The following LPCAT1 variants were observed in gnomAD, a reference collection of about 807,000 sequenced individuals.
The protein encoded by LPCAT1 is 1-acylglycerol-3-phosphate O-acyltransferase.
LPCAT1 carries 23 observed loss-of-function variants against 60.9 expected under a neutral mutation model. That is an observed-to-expected ratio of 0.38 (90% confidence interval 0.27 to 0.53). LPCAT1 has a LOEUF of 0.53. Ranked by LOEUF, LPCAT1 falls within the 20% of genes least tolerant of loss-of-function variation. LPCAT1 has a pLI of 0.82. For missense variants in LPCAT1, 622 were observed against 723.6 expected, an observed-to-expected ratio of 0.86 and a Z score of 1.61; for synonymous variants, 340 against 301.1, an observed-to-expected ratio of 1.13 and a Z score of -1.34.
In LPCAT1 at chr5:1,521,865, C is replaced by A. The variant is rs188032289; in HGVS notation, c.135+1845G>T. On this transcript the variant is annotated intron_variant, in intron 1 of 13. Coordinates refer to ENST00000283415, the MANE Select transcript of LPCAT1 (RefSeq NM_024830.5). The surrounding 1 kb of genome is among the most constrained non-coding windows in gnomAD (Gnocchi z 4.3). Reference sequence around the variant, plus strand: ...GGGGAGGAAAGCAGGCCCCTCTGGGCACTCTGGCAGTGCCCTGACATCTGT... The same window carrying A: ...GGGGAGGAAAGCAGGCCCCTCTGGGAACTCTGGCAGTGCCCTGACATCTGT... Among the ~76,000 whole-genome samples, 16 of 152,342 alleles carry A rather than the reference C, an allele frequency of 1.1e-4. No individual in the cohort carries two copies. Among genetic ancestry groups the A allele is most frequent in the African/African-American group, 3.6e-4 (15 of 41,580 alleles).
chr5:1,475,806 G>T (rs1278429668), intron 9 of LPCAT1, among the ~76,000 whole-genome samples: 1 of 102,706 alleles, frequency 9.7e-6, no homozygotes, highest in East Asian at 2.0e-4. Context: ...TCCACTCCGA[G>T]TGGGGCTGCA....
At chr5:1,465,510 T>C (rs575343217) in intron 13 of LPCAT1, among the ~76,000 whole-genome samples, 24 of 134,230 alleles carry the variant, frequency 1.8e-4, no homozygotes, top group South Asian at 9.4e-4. Flanking sequence ...AGTAAACACG[T>C]GTGCACACAC....
Position 1,502,815 on chromosome 5 carries a change from T to A in LPCAT1, c.136-1212A>T, listed in dbSNP as rs994155043. On this transcript the variant is annotated intron_variant, in intron 1 of 13. Coordinates refer to ENST00000283415, the MANE Select transcript of LPCAT1 (RefSeq NM_024830.5). This position sits in a 1 kb window ranked among gnomAD's most constrained non-coding sequence, Gnocchi z 5.5. The stretch of plus-strand genomic sequence containing the variant: ...CCACTCTGTTTCCTTGGTTTGTCCC[T>A]AGATTCTTTTGAGTTCTCAACGGAG... Among the ~76,000 whole-genome samples the A allele has an allele frequency of 6.6e-6, 1 of 152,114 alleles. No homozygotes were observed. The highest frequency in any genetic ancestry group is 2.4e-5 in the African/African-American group (1 of 41,414).
intron 12 of LPCAT1, 64 bp from the exon 13 acceptor site, chr5:1,466,954 G>A: frequency 7.0e-7 from 1 of 1,423,376 alleles, no homozygotes; most frequent in East Asian, 2.6e-5. Flanking sequence ...CCGCTGTCCA[G>A]GGACACCCCA....
In LPCAT1 at chr5:1,522,038, C is replaced by T. The variant is rs73033837; in HGVS notation, c.135+1672G>A. Among the ~76,000 whole-genome samples the T allele has an allele frequency of 1.1e-4, 16 of 152,320 alleles. No homozygotes were observed. The highest frequency in any genetic ancestry group is 3.8e-4 in the African/African-American group (16 of 41,576). On this transcript the variant is annotated intron_variant, in intron 1 of 13. Coordinates refer to ENST00000283415, the MANE Select transcript of LPCAT1 (RefSeq NM_024830.5). This position sits in a 1 kb window ranked among gnomAD's most constrained non-coding sequence, Gnocchi z 6.8. ...CTCCAGGGAGGGGCTTGATGTTTCCCCCCAGGGAGCCAGGAGGGAGTAGGA... is the reference window on the plus strand; with the variant it reads ...CTCCAGGGAGGGGCTTGATGTTTCCTCCCAGGGAGCCAGGAGGGAGTAGGA...
At chr5:1,494,973 A>C (rs1353607861) in intron 2 of LPCAT1, 59 bp from the exon 3 acceptor site, 1 of 1,479,712 alleles carries the variant, frequency 6.8e-7, no homozygotes, top group Non-Finnish European at 9.2e-7. Context: ...AGTCTGTGTG[A>C]GGCACAGGGG....
At chr5:1,497,131 C>T (rs1451608015) in intron 2 of LPCAT1, among the ~76,000 whole-genome samples, 2 of 152,166 alleles carry the variant, frequency 1.3e-5, no homozygotes, top group African/African-American at 4.8e-5. Context: ...CCACCACGCT[C>T]GCCAAGAGAG....
chr5:1,489,324 G>C (rs1235120387), intron 4 of LPCAT1, among the ~76,000 whole-genome samples: 1 of 152,238 alleles, frequency 6.6e-6, no homozygotes, highest in South Asian at 2.1e-4. Flanking sequence ...TGTCAGCCAG[G>C]CTGCCCCTAC....
rs754826056 is a variant in LPCAT1 at position 1,501,616 on chromosome 5, G to T, written c.136-13C>A. On this transcript the variant is annotated splice_polypyrimidine_tract_variant and intron_variant, in intron 1 of 13. Transcript: ENST00000283415. ...TCATGAGGGCCACCTGCAGACAGAGGGGGGCATTATCCAGAGAATCCATGT... is the reference window on the plus strand; with the variant it reads ...TCATGAGGGCCACCTGCAGACAGAGTGGGGCATTATCCAGAGAATCCATGT... The T allele has an allele frequency of 1.5e-5, 24 of 1,613,282 alleles. No individual in the cohort carries two copies. In the South Asian group the frequency reaches 2.4e-4, roughly 16 times the overall value.
chr5:1,473,619 G>A (rs978111554), intron 11 of LPCAT1, among the ~76,000 whole-genome samples: 1 of 152,240 alleles, frequency 6.6e-6, no homozygotes, highest in Non-Finnish European at 1.5e-5. Context: ...ACGCTGCAAA[G>A]AGCAGCTCTG....
At chr5:1,465,844 T>C (rs557954733) in intron 13 of LPCAT1, among the ~76,000 whole-genome samples, 1 of 150,554 alleles carries the variant, frequency 6.6e-6, no homozygotes, top group South Asian at 2.1e-4. Flanking sequence ...ACACGCACGG[T>C]AACACACGTG....
intron 1 of LPCAT1, among the ~76,000 whole-genome samples, chr5:1,514,365 TCA>T (rs1189407651): frequency 1.3e-5 from 2 of 152,180 alleles, no homozygotes; most frequent in East Asian, 3.9e-4. Context: ...TGCACGGGCC[TCA>T]CAGCTTCACA....
chr5:1,486,260 T>G (rs1735366123), intron 5 of LPCAT1, among the ~76,000 whole-genome samples: 1 of 152,084 alleles, frequency 6.6e-6, no homozygotes, highest in African/African-American at 2.4e-5. Flanking sequence ...TCTGCTGAGC[T>G]CTATCACCCC....
chr5:1,496,402 A>G lies in LPCAT1; in HGVS notation c.279-1488T>C, dbSNP rs1469702759. Reference sequence around the variant, plus strand: ...AAAATAAAGATGTACTCTTCTGTGCACATGTTATTTTCCACAAAAAAAAAA... The same window carrying G: ...AAAATAAAGATGTACTCTTCTGTGCGCATGTTATTTTCCACAAAAAAAAAA... On this transcript the variant is annotated intron_variant, in intron 2 of 13. Transcript: ENST00000283415. The surrounding 1 kb of genome is among the most constrained non-coding windows in gnomAD (Gnocchi z 4.7). 2.7e-5 allele frequency among the ~76,000 whole-genome samples: 4 copies of G among 150,358 alleles called. No individual in the cohort carries two copies. Among genetic ancestry groups the G allele is most frequent in the Admixed American group, 1.3e-4 (2 of 15,116 alleles).
chr5:1,514,640 G>A (rs570799714), intron 1 of LPCAT1, among the ~76,000 whole-genome samples: 2 of 152,310 alleles, frequency 1.3e-5, no homozygotes, highest in South Asian at 4.1e-4. Context: ...CCGCCAGGCC[G>A]AGGTCTGCAG....
In LPCAT1 at chr5:1,463,350, C is replaced by T. The variant is rs1734183200; in HGVS notation, c.*301G>A. On this transcript the variant is annotated 3_prime_UTR_variant, in exon 14 of 14. Coordinates refer to ENST00000283415, the MANE Select transcript of LPCAT1 (RefSeq NM_024830.5). ...TGACAGAGACTCGAAACCAGGGCCC[C>T]GTGGGAGAACACGGGGCGGCACCGG... The T allele has an allele frequency of 5.7e-6, 2 of 352,744 alleles. No homozygotes were observed. Among genetic ancestry groups the T allele is most frequent in the Non-Finnish European group, 1.0e-5 (2 of 193,538 alleles). The allele number at this position is 352,744 out of a possible 1,614,324, so 21.9% of individuals were successfully genotyped here. A position where few individuals can be genotyped will look rare whatever the true frequency, so the allele number is the denominator to read the frequency against.
rs758325039 is a variant in LPCAT1, at chr5:1,489,871, A to G, written c.494-13T>C. 1.3e-6 allele frequency: 2 copies of G among 1,576,622 alleles called. No homozygotes were observed. The highest frequency in any genetic ancestry group is 1.1e-5 in the South Asian group (1 of 90,316). On this transcript the variant is annotated splice_polypyrimidine_tract_variant and intron_variant, in intron 3 of 13. Transcript: ENST00000283415. ...TACTGGATCAGAGCTGGAAGAGAGGAGGGGAGACGGATCACGTGGAATGCA... is the reference window on the plus strand; with the variant it reads ...TACTGGATCAGAGCTGGAAGAGAGGGGGGGAGACGGATCACGTGGAATGCA...
rs922272017 is a variant in LPCAT1, at chr5:1,522,968, G to C, written c.135+742C>G. On this transcript the variant is annotated intron_variant, in intron 1 of 13. Transcript: ENST00000283415. The surrounding 1 kb of genome is among the most constrained non-coding windows in gnomAD (Gnocchi z 6.8). ...CTCCCCTCACCACTGTCCCATCGCA[G>C]GATCTCAGCAAACCGTTCCCTCCCA... Among the ~76,000 whole-genome samples the C allele has an allele frequency of 2.0e-5, 3 of 152,162 alleles. No homozygotes were observed. Among genetic ancestry groups the C allele is most frequent in the Non-Finnish European group, 4.4e-5 (3 of 68,024 alleles).
Position 1,483,529 on chromosome 5 carries a change from C to G in LPCAT1, c.668-43G>C, listed in dbSNP as rs1466158183. ...GCGGTGTTGCCCATGGCAGCCCACG[C>G]AGGACAGCGTCTGCTGCGTTTCTCA... On this transcript the variant is annotated intron_variant, in intron 5 of 13. Transcript: ENST00000283415. This position sits in a 1 kb window ranked among gnomAD's most constrained non-coding sequence, Gnocchi z 9.2. 1 of 1,601,038 alleles carries G rather than the reference C, an allele frequency of 6.2e-7. No individual in the cohort carries two copies. Among genetic ancestry groups the G allele is most frequent in the South Asian group, 1.1e-5 (1 of 90,688 alleles).
Sources: allele counts gnomAD v4.1 joint callset (sites outside exome capture counted in the v4.1 genomes callset), GRCh38; gene constraint gnomAD v4.1.1; non-coding constraint Gnocchi (gnomAD v3.1); transcripts MANE v1.5; gene names NCBI Gene and HGNC (gene_info 2026-07-23, HGNC 2026-07-21).